DNAH6: variants seen among roughly 807,000 people sequenced by gnomAD.
DNAH6 encodes the protein axonemal beta dynein heavy chain 6.
DNAH6 carries 340 observed loss-of-function variants against 491.4 expected under a neutral mutation model. The ratio of observed to expected loss-of-function variants is 0.69; its 90% CI spans 0.63 to 0.76. The LOEUF (loss-of-function observed/expected upper bound fraction) is 0.76. DNAH6 is among the 30% of genes least tolerant of loss of function. The pLI is 0.00. For synonymous variants in DNAH6, 1,603 were observed against 1,686.1 expected, an observed-to-expected ratio of 0.95 and a Z score of 1.21; for missense variants, 4,443 against 4,972.2, an observed-to-expected ratio of 0.89 and a Z score of 3.20.
chr2:84,593,831 T>G, intron 16 of DNAH6, 141 bp from the exon 17 acceptor site: 1 of 446,280 alleles, frequency 2.2e-6, no homozygotes, highest in East Asian at 3.5e-5. Flanking sequence ...TTCATCTGTT[T>G]CTAGTGCTCC....
intron 64 of DNAH6, among the ~76,000 whole-genome samples, chr2:84,776,386 G>A (rs1390126473): frequency 6.6e-6 from 1 of 152,218 alleles, no homozygotes; most frequent in Non-Finnish European, 1.5e-5. Context: ...GGATATAGCT[G>A]TAGGATTTTA....
At position 84,528,982 on chromosome 2, in the gene DNAH6, T is replaced by G; in HGVS notation, c.478T>G (p.Phe160Val). 1 of 1,551,302 alleles carries G rather than the reference T, an allele frequency of 6.4e-7. No homozygotes were observed. The highest frequency in any genetic ancestry group is 8.7e-7 in the Non-Finnish European group (1 of 1,146,728). Residue 160 changes from phenylalanine (F) to valine (V), a missense_variant, in exon 4 of 77, where the codon TTT becomes GTT. Transcript: ENST00000389394. ...PHTGIGKRGL[F>V]GTRSSAYPKY... ...TACTGGTATTGGAAAAAGAGGTCTC[T>G]TTGGGACTAGATCTTCAGCTTACCC...
chr2:84,565,123 T>A (rs910225810), intron 11 of DNAH6, among the ~76,000 whole-genome samples: 1 of 152,144 alleles, frequency 6.6e-6, no homozygotes, highest in African/African-American at 2.4e-5. Context: ...TGCATCTATG[T>A]TCATCAGGGA....
intron 11 of DNAH6, among the ~76,000 whole-genome samples, chr2:84,560,775 C>T (rs918905961): frequency 2.6e-5 from 4 of 152,150 alleles, no homozygotes; most frequent in African/African-American, 9.7e-5. Flanking sequence ...CATGTCCCTA[C>T]AAACGACATC....
chr2:84,800,908 A>G (rs925998464), intron 70 of DNAH6, among the ~76,000 whole-genome samples: 13 of 152,048 alleles, frequency 8.5e-5, no homozygotes, highest in Admixed American at 7.9e-4. Flanking sequence ...ATGGAATACT[A>G]TGCAGCCATA....
chr2:84,602,069 A>G (rs1685301291), intron 18 of DNAH6, among the ~76,000 whole-genome samples: 1 of 147,630 alleles, frequency 6.8e-6, no homozygotes, highest in African/African-American at 2.5e-5. Flanking sequence ...TACATATACT[A>G]TAAATATAAC....
At position 84,550,060 on chromosome 2, in the gene DNAH6, A is replaced by G. The variant is rs758013017; in HGVS notation, c.1485+3A>G. The G allele has an allele frequency of 1.2e-5, 20 of 1,607,140 alleles. No individual in the cohort carries two copies. The highest frequency in any genetic ancestry group is 1.6e-5 in the Non-Finnish European group (19 of 1,175,182). ...AGCCTGAAGTCCCTGATAAAAAGGT[A>G]TACTCACACAAAATTAAGAATATTT... On this transcript the variant is annotated splice_donor_region_variant and intron_variant, in intron 9 of 76. Transcript: ENST00000389394.
chr2:84,517,705 AG>A, intron 1 of DNAH6, 113 bp from the exon 2 acceptor site: 1 of 753,404 alleles, frequency 1.3e-6, no homozygotes, highest in Non-Finnish European at 2.1e-6. Flanking sequence ...GTTTTATTTG[AG>A]GGAAGTGAGC....
chr2:84,531,850 AAT>A (rs1014375080), intron 4 of DNAH6, among the ~76,000 whole-genome samples: 14 of 152,130 alleles, frequency 9.2e-5, no homozygotes, highest in African/African-American at 3.4e-4. Flanking sequence ...AACCCTTAAT[AAT>A]ATTGTCATTC....
chr2:84,494,279 A>G, the DNAH6 span, among the ~76,000 whole-genome samples: 3 of 152,164 alleles, frequency 2.0e-5, no homozygotes, highest in Non-Finnish European at 4.4e-5. Context: ...GGGACCATCA[A>G]TGTTGATTTG....
chr2:84,519,572 A>G (rs1487002172), intron 2 of DNAH6, among the ~76,000 whole-genome samples: 5 of 150,758 alleles, frequency 3.3e-5, no homozygotes, highest in South Asian at 4.2e-4. Context: ...CCTCCCCTCA[A>G]CTGCCTTCTC....
chr2:84,636,215 T>C (rs577102961), intron 30 of DNAH6, among the ~76,000 whole-genome samples: 82 of 152,346 alleles, frequency 5.4e-4, no homozygotes, highest in African/African-American at 1.9e-3. Flanking sequence ...GCAGGACTCC[T>C]GATGCTCAGG....
intron 60 of DNAH6, among the ~76,000 whole-genome samples, chr2:84,725,289 C>G (rs1698522498): frequency 6.6e-6 from 1 of 152,176 alleles, no homozygotes; most frequent in South Asian, 2.1e-4. Context: ...GGTCCAGGAA[C>G]AGTTTCTATT....
chr2:84,642,683 C>CT (rs1279957894), intron 33 of DNAH6, among the ~76,000 whole-genome samples: 1 of 152,086 alleles, frequency 6.6e-6, no homozygotes, highest in Non-Finnish European at 1.5e-5. Context: ...TCTAAGCCCA[C>CT]TTTCAATTAA....
intron 31 of DNAH6, among the ~76,000 whole-genome samples, chr2:84,639,417 ATT>A (rs374331918): frequency 5.6e-4 from 75 of 133,216 alleles, no homozygotes; most frequent in African/African-American, 1.9e-3. Flanking sequence ...GTTGTCAGTA[ATT>A]TTTTTTTTTT....
intron 29 of DNAH6, among the ~76,000 whole-genome samples, chr2:84,626,630 C>T (rs530930154): frequency 2.0e-5 from 3 of 152,202 alleles, no homozygotes; most frequent in Non-Finnish European, 2.9e-5. Context: ...TATTTTGAGA[C>T]GGAGTCTCGC....
chr2:84,579,204 C>T (rs886590307), intron 13 of DNAH6, among the ~76,000 whole-genome samples: 25 of 152,276 alleles, frequency 1.6e-4, no homozygotes, highest in Admixed American at 7.9e-4. Flanking sequence ...GCATGGCTAG[C>T]GCCCAACATG....
intron 63 of DNAH6, among the ~76,000 whole-genome samples, chr2:84,760,053 C>T (rs1674417469): frequency 6.6e-6 from 1 of 152,136 alleles, no homozygotes; most frequent in Non-Finnish European, 1.5e-5. Flanking sequence ...TCAACAAGAA[C>T]ATACAATAGG....
chr2:84,483,869 G>C, the DNAH6 span, among the ~76,000 whole-genome samples: 47 of 152,194 alleles, frequency 3.1e-4, 1 homozygote, highest in African/African-American at 1.1e-3. Flanking sequence ...TGACACCTTT[G>C]GGGGAGGGCT....
Sources: allele counts gnomAD v4.1 joint callset (sites outside exome capture counted in the v4.1 genomes callset), GRCh38; gene constraint gnomAD v4.1.1; transcripts MANE v1.5; gene names NCBI Gene and HGNC (gene_info 2026-07-23, HGNC 2026-07-21).